MAP2K5: variants seen among roughly 807,000 people sequenced by gnomAD.
MAP2K5 encodes mitogen-activated protein kinase kinase 5, also known as dual specificity mitogen-activated protein kinase kinase 5.
MAP2K5 carries 49 observed loss-of-function variants against 83.1 expected under a neutral mutation model. The observed-to-expected ratio is 0.59, with a 90% confidence interval of 0.47 to 0.75. MAP2K5 has a LOEUF of 0.75. Among genes scored for constraint, MAP2K5 ranks in the 30% least tolerant of loss-of-function variants. The probability of loss-of-function intolerance (pLI) is 0.00; values close to 1 mark genes in which losing one functional copy is unlikely to be tolerated. For missense variants in MAP2K5, 457 were observed against 557.5 expected (o/e 0.82, Z 1.82); for synonymous variants, 202 against 191.8 (o/e 1.05, Z -0.44).
intron 21 of MAP2K5, among the ~76,000 whole-genome samples, chr15:67,784,439 A>G (rs184137569): frequency 2.0e-5 from 3 of 152,366 alleles, no homozygotes; most frequent in East Asian, 1.9e-4. Context: ...TGTGAAGCCA[A>G]TGCCCCTGTA....
At chr15:67,675,523 C>G (rs1235899557) in intron 13 of MAP2K5, among the ~76,000 whole-genome samples, 1 of 152,152 alleles carries the variant, frequency 6.6e-6, no homozygotes, top group Non-Finnish European at 1.5e-5. Flanking sequence ...TCTTGACTAT[C>G]AGTGTCAATA....
chr15:67,666,338 T>A (rs1312628997), intron 13 of MAP2K5, among the ~76,000 whole-genome samples: 1 of 152,224 alleles, frequency 6.6e-6, no homozygotes, highest in Non-Finnish European at 1.5e-5. Flanking sequence ...ATCATGCTGA[T>A]AAGTTGATGT....
rs2089818774 is a variant in MAP2K5, at chr15:67,755,640, C to G, written c.1134+7039C>G. Among the ~76,000 whole-genome samples, 1 of 152,168 alleles carries G rather than the reference C, an allele frequency of 6.6e-6. No homozygotes were observed. Among genetic ancestry groups the G allele is most frequent in the Admixed American group, 6.5e-5 (1 of 15,286 alleles). ...GGTGGGGTAGATGATTGTCCCTATT[C>G]ATAATGATTCTTTTTAGTACCACCA... On this transcript the variant is annotated intron_variant, in intron 19 of 21. Transcript: ENST00000178640. This position sits in a 1 kb window ranked among gnomAD's most constrained non-coding sequence, Gnocchi z 4.7.
rs1397896066 is a variant in MAP2K5, at chr15:67,774,097, G to T, written c.1242+1345G>T. Among the ~76,000 whole-genome samples the T allele has an allele frequency of 6.6e-6, 1 of 152,090 alleles. No individual in the cohort carries two copies. Among genetic ancestry groups the T allele is most frequent in the Non-Finnish European group, 1.5e-5 (1 of 68,030 alleles). ...TGTTGGTAAGGAACACCACTCCAGG[G>T]TGGCACATCATAAAGACAAGGCTAA... On this transcript the variant is annotated intron_variant, in intron 21 of 21. Transcript: ENST00000178640. The surrounding 1 kb of genome is among the most constrained non-coding windows in gnomAD (Gnocchi z 4.9).
At chr15:67,630,751 A>G in intron 8 of MAP2K5, 137 bp from the exon 9 acceptor site, 1 of 658,374 alleles carries the variant, frequency 1.5e-6, no homozygotes, top group Admixed American at 2.8e-5. Context: ...AATGTAAATT[A>G]CTAATGTTGT....
chr15:67,693,240 G>A (rs920764466), intron 14 of MAP2K5, among the ~76,000 whole-genome samples: 17 of 152,140 alleles, frequency 1.1e-4, no homozygotes, highest in Admixed American at 5.2e-4. Flanking sequence ...TATATCAGGC[G>A]GGTTTGGGAT....
chr15:67,733,481 A>G (rs1298450317), intron 17 of MAP2K5, among the ~76,000 whole-genome samples: 1 of 152,198 alleles, frequency 6.6e-6, no homozygotes. Flanking sequence ...AAATTATTGC[A>G]GTATATGGAG....
chr15:67,679,202 G>A (rs986689923), intron 13 of MAP2K5, among the ~76,000 whole-genome samples: 22 of 152,256 alleles, frequency 1.4e-4, no homozygotes, highest in African/African-American at 5.3e-4. Flanking sequence ...TGTTGGGAAA[G>A]CACATGCTCT....
rs1182859227 is a variant in MAP2K5, at chr15:67,786,284, C to T, written c.1242+13532C>T. 6.6e-6 allele frequency among the ~76,000 whole-genome samples: 1 copy of T among 151,970 alleles called. No individual in the cohort carries two copies. Among genetic ancestry groups the T allele is most frequent in the Non-Finnish European group, 1.5e-5 (1 of 68,000 alleles). ...AATTGGTAGTCTCTTGGGGTGGTCT[C>T]TGTGGTTGAAAATCCAAACAAGATG... is the stretch of plus-strand genomic sequence containing the variant. On this transcript the variant is annotated intron_variant, in intron 21 of 21. Transcript: ENST00000178640. The surrounding 1 kb of genome is among the most constrained non-coding windows in gnomAD (Gnocchi z 4.7).
At chr15:67,627,902 A>G (rs1196887564) in intron 8 of MAP2K5, 2 of 733,248 alleles carry the variant, frequency 2.7e-6, no homozygotes, top group Non-Finnish European at 4.8e-6. Context: ...GAAGCTCTTC[A>G]TTGGAGGGCT....
rs919050593 is a variant in MAP2K5 at position 67,760,383 on chromosome 15, TAA to T, written c.1135-9212_1135-9211del. ...GAAGGATGTACAAAGTCACTTGAAGTAAAAAAAAGTTTTTTTAAACACACAAT... is the reference window on the plus strand; with the variant it reads ...GAAGGATGTACAAAGTCACTTGAAGTAAAAAAGTTTTTTTAAACACACAAT... On this transcript the variant is annotated intron_variant, in intron 19 of 21. Transcript: ENST00000178640. The surrounding 1 kb of genome is among the most constrained non-coding windows in gnomAD (Gnocchi z 4.1). Among the ~76,000 whole-genome samples, 7 of 152,008 alleles carry T rather than the reference TAA, an allele frequency of 4.6e-5. No homozygotes were observed. Among genetic ancestry groups the T allele is most frequent in the African/African-American group, 1.7e-4 (7 of 41,410 alleles).
chr15:67,696,202 A>G (rs550067355), intron 15 of MAP2K5, among the ~76,000 whole-genome samples: 8 of 150,604 alleles, frequency 5.3e-5, no homozygotes, highest in African/African-American at 1.7e-4. Flanking sequence ...GTTCTACATG[A>G]GCCCTATGCC....
At chr15:67,634,367 CAAAAAA>C (rs71142390) in intron 9 of MAP2K5, among the ~76,000 whole-genome samples, 3 of 48,576 alleles carry the variant, frequency 6.2e-5, no homozygotes, top group Admixed American at 3.2e-4. Flanking sequence ...GACCTCATCT[CAAAAAA>C]AAAAAAAAAA....
At chr15:67,585,852 C>T in intron 4 of MAP2K5, 38 bp from the exon 5 acceptor site, 1 of 1,587,186 alleles carries the variant, frequency 6.3e-7, no homozygotes. Context: ...TGTAAATGGC[C>T]CTGATGTGTT....
chr15:67,570,613 C>T (rs994483606), intron 3 of MAP2K5, among the ~76,000 whole-genome samples: 1 of 152,158 alleles, frequency 6.6e-6, no homozygotes, highest in Non-Finnish European at 1.5e-5. Flanking sequence ...AAAGGAAAAG[C>T]CTCTTAATGT....
In MAP2K5 at chr15:67,790,954, G is replaced by A. The variant is rs1240300494; in HGVS notation, c.1243-15692G>A. ...TTACAGAAGACGAGTCAGAGCTAGG[G>A]GGAATAAGCTGTGTTGTAGAGAATG... On this transcript the variant is annotated intron_variant, in intron 21 of 21. Transcript: ENST00000178640. The surrounding 1 kb of genome is among the most constrained non-coding windows in gnomAD (Gnocchi z 4.6). 6.6e-6 allele frequency among the ~76,000 whole-genome samples: 1 copy of A among 152,114 alleles called. No homozygotes were observed. Among genetic ancestry groups the A allele is most frequent in the African/African-American group, 2.4e-5 (1 of 41,398 alleles).
In MAP2K5 at chr15:67,692,498, G is replaced by A. The variant is rs965728122; in HGVS notation, c.867G>A (p.Met289Ile). ...TTTTAGACGTGAAGCCCTCCAATAT[G>A]CTAGTAAACACAAGAGGACAGGTTA... ...ILHRDVKPSN[M>I]LVNTRGQVKL... The change falls in exon 14 of 22, where the codon ATG becomes ATA. Residue 289 changes from methionine (M) to isoleucine (I), a missense_variant. Physicochemically the swap from Met to Ile is conservative, Grantham distance 10. This residue lies in a region of MAP2K5 where 168 missense variants were observed against 263.0 expected (regional missense o/e 0.64). Coordinates refer to ENST00000178640, the MANE Select transcript of MAP2K5 (RefSeq NM_145160.3). 1.9e-6 allele frequency: 3 copies of A among 1,613,400 alleles called. No homozygotes were observed. The highest frequency in any genetic ancestry group is 2.7e-5 in the African/African-American group (2 of 74,872).
intron 8 of MAP2K5, among the ~76,000 whole-genome samples, chr15:67,616,465 C>T (rs2086058246): frequency 6.6e-6 from 1 of 152,044 alleles, no homozygotes; most frequent in Non-Finnish European, 1.5e-5. Flanking sequence ...TTACCTCTGC[C>T]ATGTCTCTGA....
intron 8 of MAP2K5, among the ~76,000 whole-genome samples, chr15:67,625,548 C>G (rs1483028315): frequency 1.3e-5 from 2 of 152,216 alleles, no homozygotes; most frequent in Admixed American, 6.5e-5. Flanking sequence ...CTTCATTAAT[C>G]ACTTTACAAT....
Sources: gnomAD v4.1 joint callset for allele counts (sites outside exome capture counted in the v4.1 genomes callset) on GRCh38, gnomAD v4.1.1 for gene constraint, gnomAD v4.1.1 regional missense constraint, Gnocchi (gnomAD v3.1) non-coding constraint, MANE v1.5 for transcripts, NCBI Gene and HGNC (gene_info 2026-07-23, HGNC 2026-07-21) for gene names.